Variants in HIVEP2 observed in about 807,000 individuals in gnomAD.
HIVEP2 encodes the protein transcription factor HIVEP2.
In HIVEP2, 14 loss-of-function variants were observed where a neutral mutation model predicts 180.7. The ratio of observed to expected loss-of-function variants is 0.08; its 90% CI spans 0.05 to 0.12. HIVEP2 has a LOEUF of 0.12. HIVEP2 is among the 10% of genes least tolerant of loss of function. The pLI is 1.00. For missense variants in HIVEP2, 2,579 were observed against 3,008.5 expected, an observed-to-expected ratio of 0.86 and a Z score of 3.34; for synonymous variants, 1,184 against 1,136.4, an observed-to-expected ratio of 1.04 and a Z score of -0.84.
intron 2 of HIVEP2, among the ~76,000 whole-genome samples, chr6:142,801,156 A>T (rs1436994484): frequency 6.9e-6 from 1 of 145,114 alleles, no homozygotes; most frequent in Non-Finnish European, 1.5e-5. Context: ...TTTCCCAGGG[A>T]CTCACCAGGT....
chr6:142,846,398 A>G (rs1335660511), intron 1 of HIVEP2, among the ~76,000 whole-genome samples: 2 of 152,226 alleles, frequency 1.3e-5, no homozygotes, highest in Non-Finnish European at 2.9e-5. Context: ...GTCTAACACA[A>G]TACAGCTAAG....
intron 1 of HIVEP2, among the ~76,000 whole-genome samples, chr6:142,907,798 A>T (rs4896605): frequency 0.58 from 87,780 of 152,002 alleles, 25,533 homozygotes; most frequent in Middle Eastern, 0.63. Context: ...GAGCATCGGT[A>T]TGATGTATAC....
rs958841621 is a variant in HIVEP2, at chr6:142,753,624, G to A, written c.6824C>T (p.Pro2275Leu). Residue 2275 changes from proline to leucine, a missense_variant, in exon 10 of 10, where the codon CCC (proline) becomes CTC (leucine). Coordinates refer to ENST00000367603, the MANE Select transcript of HIVEP2 (RefSeq NM_006734.4). ...CTCATGCTGCTTAGAAAGCACATAG[G>A]GGTCCTTGGAGAAGGACTCCCCTGA... ...GASGESFSKDPYVLSKQHEKR... is the reference protein window; with the variant it reads ...GASGESFSKDLYVLSKQHEKR... 1.2e-6 allele frequency: 2 copies of A among 1,614,156 alleles called. No homozygotes were observed. The highest frequency in any genetic ancestry group is 1.1e-5 in the South Asian group (1 of 91,080).
At chr6:142,900,325 C>T (rs993312444) in intron 1 of HIVEP2, among the ~76,000 whole-genome samples, 5 of 152,120 alleles carry the variant, frequency 3.3e-5, no homozygotes, top group Non-Finnish European at 4.4e-5. Flanking sequence ...AGAAACTTGA[C>T]GTCTGAGAGT....
chr6:142,935,111 C>T (rs897947785), intron 1 of HIVEP2, among the ~76,000 whole-genome samples: 8 of 152,272 alleles, frequency 5.3e-5, no homozygotes, highest in East Asian at 1.9e-4. Context: ...TCTGTTCACT[C>T]GCTGCAAAAA....
At chr6:142,864,250 C>G (rs1776078236) in intron 1 of HIVEP2, among the ~76,000 whole-genome samples, 1 of 152,136 alleles carries the variant, frequency 6.6e-6, no homozygotes, top group Non-Finnish European at 1.5e-5. Context: ...AGTCCCATCA[C>G]CAGCAGCCTA....
chr6:142,805,863 A>T (rs1776535822), intron 2 of HIVEP2, among the ~76,000 whole-genome samples: 1 of 152,158 alleles, frequency 6.6e-6, no homozygotes, highest in Admixed American at 6.5e-5. Context: ...ATATTTAATG[A>T]GCATATACCA....
At chr6:142,882,997 TAA>T (rs1351649060) in intron 1 of HIVEP2, among the ~76,000 whole-genome samples, 1 of 152,082 alleles carries the variant, frequency 6.6e-6, no homozygotes, top group Non-Finnish European at 1.5e-5. Context: ...CTATAAGTAA[TAA>T]AAGTGTCTCC....
chr6:142,783,858 G>A (rs1166895339), intron 2 of HIVEP2, among the ~76,000 whole-genome samples: 3 of 152,114 alleles, frequency 2.0e-5, no homozygotes, highest in African/African-American at 7.2e-5. Flanking sequence ...AAATGCTAGA[G>A]TTAAAACTTC....
chr6:142,864,666 C>T (rs1409846818), intron 1 of HIVEP2, among the ~76,000 whole-genome samples: 1 of 152,112 alleles, frequency 6.6e-6, no homozygotes, highest in Non-Finnish European at 1.5e-5. Context: ...CAGTTAAATG[C>T]CTTTATTGCC....
intron 2 of HIVEP2, among the ~76,000 whole-genome samples, chr6:142,823,636 G>C (rs1177618773): frequency 6.6e-6 from 1 of 152,206 alleles, no homozygotes; most frequent in African/African-American, 2.4e-5. Context: ...CTGATCAGTG[G>C]TTCTAGAATC....
At chr6:142,886,835 G>A (rs1392808552) in intron 1 of HIVEP2, among the ~76,000 whole-genome samples, 1 of 152,180 alleles carries the variant, frequency 6.6e-6, no homozygotes, top group Non-Finnish European at 1.5e-5. Flanking sequence ...CAGCTCTCCA[G>A]TGAACAAGTA....
chr6:142,814,512 G>A (rs937785756), intron 2 of HIVEP2, among the ~76,000 whole-genome samples: 3 of 152,102 alleles, frequency 2.0e-5, no homozygotes, highest in Non-Finnish European at 4.4e-5. Context: ...GTTGGAGGAG[G>A]CTGATTACAG....
intron 1 of HIVEP2, among the ~76,000 whole-genome samples, chr6:142,848,272 G>T (rs1582910150): frequency 6.6e-6 from 1 of 152,274 alleles, no homozygotes; most frequent in East Asian, 1.9e-4. Context: ...GATGTGGGAT[G>T]GGGGAAGGTA....
intron 1 of HIVEP2, among the ~76,000 whole-genome samples, chr6:142,891,663 C>T (rs1351185697): frequency 2.0e-5 from 3 of 152,124 alleles, no homozygotes; most frequent in Non-Finnish European, 4.4e-5. Flanking sequence ...AGTCACCCAA[C>T]CTCCCTGGGC....
intron 1 of HIVEP2, among the ~76,000 whole-genome samples, chr6:142,942,473 G>A (rs1293737196): frequency 5.3e-5 from 8 of 152,152 alleles, no homozygotes; most frequent in Non-Finnish European, 7.4e-5. Context: ...TGTTTTCATG[G>A]TAACAAGAAC....
rs767079960 is a variant in HIVEP2 at position 142,770,348 on chromosome 6, T to G, written c.4391A>C (p.Lys1464Thr). ...TKQQKRVKEEKMYGQIVEELS... is the reference protein window; with the variant it reads ...TKQQKRVKEETMYGQIVEELS... ...CTCCTCCACAATCTGTCCGTACATC[T>G]TTTCTTCTTTGACCCTTTTCTGCTG... is the stretch of plus-strand genomic sequence containing the variant. Residue 1464 changes from lysine to threonine, a missense_variant, in exon 5 of 10, where the codon AAG becomes ACG. Physicochemically the swap from Lys to Thr is moderately conservative, Grantham distance 78. Coordinates refer to ENST00000367603, the MANE Select transcript of HIVEP2 (RefSeq NM_006734.4). This position sits in a 1 kb window ranked among gnomAD's most constrained non-coding sequence, Gnocchi z 4.7. 2 of 1,614,146 alleles carry G rather than the reference T, an allele frequency of 1.2e-6. No homozygotes were observed. The highest frequency in any genetic ancestry group is 1.7e-6 in the Non-Finnish European group (2 of 1,180,030).
chr6:142,912,533 T>C (rs529865984), intron 1 of HIVEP2, among the ~76,000 whole-genome samples: 3 of 152,334 alleles, frequency 2.0e-5, no homozygotes, highest in African/African-American at 4.8e-5. Context: ...CAGTGGGTCA[T>C]GTTCAGTTAC....
At chr6:142,895,066 C>G (rs1271348710) in intron 1 of HIVEP2, among the ~76,000 whole-genome samples, 8 of 152,198 alleles carry the variant, frequency 5.3e-5, no homozygotes, top group Admixed American at 1.3e-4. Context: ...GTAGCACATC[C>G]ATCACATTAC....
Sources: gnomAD v4.1 joint callset for allele counts (sites outside exome capture counted in the v4.1 genomes callset) on GRCh38, gnomAD v4.1.1 for gene constraint, Gnocchi (gnomAD v3.1) non-coding constraint, MANE v1.5 for transcripts, NCBI Gene and HGNC (gene_info 2026-07-23, HGNC 2026-07-21) for gene names.